The following NELL2 variants were observed in gnomAD, a reference collection of about 807,000 sequenced individuals.
The protein encoded by NELL2 is neural EGFL like 2.
Under a neutral mutation model 109.6 loss-of-function variants are expected in NELL2, and 41 were observed. That is an observed-to-expected ratio of 0.37 (90% CI 0.29 to 0.49). The LOEUF (loss-of-function observed/expected upper bound fraction) is 0.49, where lower values mean the gene tolerates loss of function less well. Among genes scored for constraint, NELL2 ranks in the 20% least tolerant of loss-of-function variants. NELL2 has a pLI of 0.98. For synonymous variants in NELL2, 355 were observed against 344.7 expected (o/e 1.03, Z -0.33); for missense variants, 900 against 1,008.3 (o/e 0.89, Z 1.45).
intron 13 of NELL2, among the ~76,000 whole-genome samples, chr12:44,643,893 T>C (rs547357689): frequency 1.4e-3 from 220 of 152,244 alleles, no homozygotes; most frequent in Non-Finnish European, 2.6e-3. Context: ...AACAAATACT[T>C]AAAAGACCTT....
At chr12:44,833,967 A>C (rs1000690231) in intron 2 of NELL2, among the ~76,000 whole-genome samples, 4 of 152,190 alleles carry the variant, frequency 2.6e-5, no homozygotes, top group Non-Finnish European at 4.4e-5. Context: ...TCTGAATGCT[A>C]GTCTAAGTTA....
chr12:44,550,622 C>G (rs1943007398), intron 15 of NELL2, among the ~76,000 whole-genome samples: 1 of 151,446 alleles, frequency 6.6e-6, no homozygotes, highest in Non-Finnish European at 1.5e-5. Flanking sequence ...CTTAAATGTC[C>G]ACCAATGAAT....
At chr12:44,873,274 G>C (rs11182729) in intron 2 of NELL2, among the ~76,000 whole-genome samples, 6,054 of 152,138 alleles carry the variant, frequency 0.04, 206 homozygotes, top group East Asian at 0.18. Context: ...AACAAGGAAG[G>C]AAAAACAACC....
intron 9 of NELL2, among the ~76,000 whole-genome samples, chr12:44,758,711 C>T (rs2136543443): frequency 6.6e-6 from 1 of 152,240 alleles, no homozygotes; most frequent in Middle Eastern, 3.4e-3. Flanking sequence ...AAACTCAGTT[C>T]AGCTTTCAAT....
chr12:44,567,742 T>C (rs1171835550), intron 15 of NELL2, among the ~76,000 whole-genome samples: 1 of 152,190 alleles, frequency 6.6e-6, no homozygotes, highest in Non-Finnish European at 1.5e-5. Flanking sequence ...TCACCTCATA[T>C]CATTACCTTA....
intron 13 of NELL2, among the ~76,000 whole-genome samples, chr12:44,614,986 T>C (rs1244319393): frequency 6.6e-6 from 1 of 152,114 alleles, no homozygotes; most frequent in Non-Finnish European, 1.5e-5. Context: ...CAATATGTAT[T>C]TAGTTTTGGA....
intron 15 of NELL2, among the ~76,000 whole-genome samples, chr12:44,543,303 T>C (rs1462848734): frequency 6.6e-6 from 1 of 152,160 alleles, no homozygotes; most frequent in African/African-American, 2.4e-5. Flanking sequence ...CAGCAAATCC[T>C]ATTAGTAATG....
At chr12:44,834,602 G>A (rs1943993924) in intron 2 of NELL2, among the ~76,000 whole-genome samples, 1 of 152,154 alleles carries the variant, frequency 6.6e-6, no homozygotes. Context: ...ACTGCGCAGG[G>A]CAGGGGTGGG....
chr12:44,580,350 G>GTCTCACAGATCTGTGAGC (rs1410414296), intron 15 of NELL2, among the ~76,000 whole-genome samples: 2 of 152,084 alleles, frequency 1.3e-5, no homozygotes, highest in Non-Finnish European at 2.9e-5. Context: ...TCACTGCCTT[G>GTCTCACAGATCTGTGAGC]TCTCACAGAT....
chr12:44,724,108 A>G (rs999546097), intron 9 of NELL2, among the ~76,000 whole-genome samples: 1 of 151,944 alleles, frequency 6.6e-6, no homozygotes, highest in Non-Finnish European at 1.5e-5. Flanking sequence ...GGACACAGCT[A>G]GAGGCCATCA....
At chr12:44,798,703 T>C (rs367595880) in intron 3 of NELL2, among the ~76,000 whole-genome samples, 1 of 152,124 alleles carries the variant, frequency 6.6e-6, no homozygotes, top group Admixed American at 6.5e-5. Context: ...GGAGAACTTA[T>C]GCTACCACAT....
At chr12:44,566,686 CTG>C (rs1190765589) in intron 15 of NELL2, among the ~76,000 whole-genome samples, 1 of 152,202 alleles carries the variant, frequency 6.6e-6, no homozygotes, top group Non-Finnish European at 1.5e-5. Flanking sequence ...CATTTAATGA[CTG>C]TGGTCTAAGA....
At chr12:44,674,154 G>A (rs2136355858) in intron 12 of NELL2, among the ~76,000 whole-genome samples, 1 of 152,214 alleles carries the variant, frequency 6.6e-6, no homozygotes, top group South Asian at 2.1e-4. Context: ...TATTTGTTCT[G>A]AGAACCCATT....
intron 13 of NELL2, among the ~76,000 whole-genome samples, chr12:44,657,264 C>T (rs940229250): frequency 2.0e-5 from 3 of 152,090 alleles, no homozygotes; most frequent in African/African-American, 4.8e-5. Flanking sequence ...CTAGTGATAA[C>T]TTCTTTAAAT....
chr12:44,862,814 G>A (rs1592672233), intron 2 of NELL2, among the ~76,000 whole-genome samples: 1 of 151,906 alleles, frequency 6.6e-6, no homozygotes, highest in African/African-American at 2.4e-5. Flanking sequence ...CTCAAAGACA[G>A]GTTATTTGAA....
chr12:44,899,601 C>T (rs549351252), intron 1 of NELL2, among the ~76,000 whole-genome samples: 45 of 152,282 alleles, frequency 3.0e-4, no homozygotes, highest in Non-Finnish European at 6.0e-4. Flanking sequence ...CTTACAAGAG[C>T]TTCTGAAGTA....
At chr12:44,747,991 C>T (rs1940471329) in intron 9 of NELL2, among the ~76,000 whole-genome samples, 1 of 152,094 alleles carries the variant, frequency 6.6e-6, no homozygotes, top group South Asian at 2.1e-4. Flanking sequence ...CATCAGAGTC[C>T]AGGCTTTTAA....
intron 1 of NELL2, among the ~76,000 whole-genome samples, chr12:44,905,689 G>A (rs374215221): frequency 4.6e-5 from 7 of 151,934 alleles, no homozygotes; most frequent in Non-Finnish European, 8.8e-5. Context: ...TCTCTGGCCC[G>A]TATCAAGATC....
chr12:44,835,324 G>A (rs531975277), intron 2 of NELL2, among the ~76,000 whole-genome samples: 61 of 152,276 alleles, frequency 4.0e-4, no homozygotes, highest in Admixed American at 1.7e-3. Context: ...CTTCTGGGGG[G>A]AAAAATCATT....
Sources: allele counts gnomAD v4.1 joint callset (sites outside exome capture counted in the v4.1 genomes callset), GRCh38; gene constraint gnomAD v4.1.1; transcripts MANE v1.5; gene names NCBI Gene and HGNC (gene_info 2026-07-23, HGNC 2026-07-21).